GRM7: variants seen among roughly 807,000 people sequenced by gnomAD.
GRM7 encodes glutamate metabotropic receptor 7.
GRM7 carries 35 observed loss-of-function variants against 84.5 expected under a neutral mutation model. That is an observed-to-expected ratio of 0.41 (90% CI 0.32 to 0.55). The LOEUF (loss-of-function observed/expected upper bound fraction) is 0.55. GRM7 is among the 20% of genes least tolerant of loss of function. The pLI is 0.19. For missense variants in GRM7, 1,003 were observed against 1,194.6 expected, an observed-to-expected ratio of 0.84 and a Z score of 2.36; for synonymous variants, 487 against 455.1, an observed-to-expected ratio of 1.07 and a Z score of -0.89.
At chr3:6,988,077 A>G (rs1361110160) in intron 1 of GRM7, among the ~76,000 whole-genome samples, 1 of 148,886 alleles carries the variant, frequency 6.7e-6, no homozygotes, top group Non-Finnish European at 1.5e-5. Flanking sequence ...GCTCACTGCA[A>G]GCTCCGCCTC....
chr3:7,474,216 TC>T (rs1698826656), intron 7 of GRM7, among the ~76,000 whole-genome samples: 1 of 152,156 alleles, frequency 6.6e-6, no homozygotes, highest in South Asian at 2.1e-4. Context: ...GCAAGACAAT[TC>T]CATAATTGGT....
chr3:7,039,381 G>A (rs937948639), intron 1 of GRM7, among the ~76,000 whole-genome samples: 2 of 152,190 alleles, frequency 1.3e-5, no homozygotes, highest in African/African-American at 4.8e-5. Context: ...TTTGTGACAG[G>A]TATCACGGAT....
chr3:6,870,428 G>A (rs1215705647), intron 1 of GRM7, among the ~76,000 whole-genome samples: 1 of 152,214 alleles, frequency 6.6e-6, no homozygotes, highest in Non-Finnish European at 1.5e-5. Flanking sequence ...TTGTGGCTGA[G>A]TAGAGTCAAT....
chr3:6,920,281 A>G (rs925320673), intron 1 of GRM7, among the ~76,000 whole-genome samples: 1 of 152,180 alleles, frequency 6.6e-6, no homozygotes, highest in African/African-American at 2.4e-5. Flanking sequence ...TGGGCCAGGC[A>G]CAGTGGCTCA....
At chr3:7,165,815 C>T (rs181198343) in intron 2 of GRM7, among the ~76,000 whole-genome samples, 69 of 152,284 alleles carry the variant, frequency 4.5e-4, no homozygotes, top group Admixed American at 1.4e-3. Flanking sequence ...TGGGTTTCAT[C>T]ATTTGCATTC....
intron 4 of GRM7, among the ~76,000 whole-genome samples, chr3:7,320,680 CAGTGTGTGTGTG>C (rs1700742650): frequency 3.1e-5 from 2 of 64,124 alleles, no homozygotes; most frequent in South Asian, 8.9e-4. Flanking sequence ...AGTGGGTGAT[CAGTGTGTGTGTG>C]TGTGTGTGTG....
At chr3:7,654,378 C>A (rs561516178) in intron 8 of GRM7, among the ~76,000 whole-genome samples, 1 of 152,228 alleles carries the variant, frequency 6.6e-6, no homozygotes, top group Non-Finnish European at 1.5e-5. Context: ...AGCCCCTGTG[C>A]TATCTCTATA....
chr3:7,268,316 T>C (rs565014983), intron 2 of GRM7, among the ~76,000 whole-genome samples: 3 of 142,150 alleles, frequency 2.1e-5, no homozygotes, highest in South Asian at 4.5e-4. Flanking sequence ...AATAGACGAG[T>C]GTGTTGATGT....
chr3:7,304,336 G>A (rs1397308578), intron 3 of GRM7, among the ~76,000 whole-genome samples: 2 of 135,712 alleles, frequency 1.5e-5, no homozygotes, highest in Admixed American at 7.4e-5. Flanking sequence ...CTCTTGAGAG[G>A]TTAATAATAT....
intron 2 of GRM7, among the ~76,000 whole-genome samples, chr3:7,162,785 A>G (rs1349801014): frequency 4.6e-4 from 27 of 58,120 alleles, no homozygotes; most frequent in African/African-American, 1.4e-3. Flanking sequence ...TTTGAGATGG[A>G]GTCTCATTCT....
intron 7 of GRM7, among the ~76,000 whole-genome samples, chr3:7,506,179 C>A (rs1700034350): frequency 6.6e-6 from 1 of 152,160 alleles, no homozygotes; most frequent in South Asian, 2.1e-4. Context: ...AGGCACAGTT[C>A]ATTGTTACCT....
chr3:7,496,786 TATATAG>T (rs1485245437), intron 7 of GRM7, among the ~76,000 whole-genome samples: 8 of 151,710 alleles, frequency 5.3e-5, no homozygotes, highest in Non-Finnish European at 7.4e-5. Context: ...GATATAAAAA[TATATAG>T]ATATAGATGT....
At chr3:7,084,980 T>G (rs1379951307) in intron 1 of GRM7, among the ~76,000 whole-genome samples, 2 of 152,192 alleles carry the variant, frequency 1.3e-5, no homozygotes, top group Admixed American at 6.5e-5. Context: ...AAATTAAAAA[T>G]CATTCCATTA....
intron 1 of GRM7, among the ~76,000 whole-genome samples, chr3:7,006,586 T>C (rs1395371279): frequency 6.6e-6 from 1 of 152,200 alleles, no homozygotes; most frequent in Non-Finnish European, 1.5e-5. Context: ...AACAAATCCT[T>C]TTTCTCCTTT....
intron 4 of GRM7, among the ~76,000 whole-genome samples, chr3:7,370,981 G>T (rs1694107254): frequency 6.6e-6 from 1 of 152,118 alleles, no homozygotes; most frequent in Non-Finnish European, 1.5e-5. Flanking sequence ...AGCCTGATTT[G>T]TTGGTTATCT....
intron 4 of GRM7, among the ~76,000 whole-genome samples, chr3:7,376,028 A>G (rs112019977): frequency 1.9e-3 from 294 of 152,282 alleles, no homozygotes; most frequent in Non-Finnish European, 2.8e-3. Context: ...TATTGAGTAG[A>G]TGATATTGTC....
intron 2 of GRM7, among the ~76,000 whole-genome samples, chr3:7,291,219 C>CA (rs1699609094): frequency 6.6e-6 from 1 of 151,888 alleles, no homozygotes; most frequent in South Asian, 2.1e-4. Flanking sequence ...TCATTTAGGA[C>CA]AATGTACAGT....
chr3:7,211,309 A>C (rs1696418955), intron 2 of GRM7, among the ~76,000 whole-genome samples: 1 of 152,180 alleles, frequency 6.6e-6, no homozygotes, highest in Non-Finnish European at 1.5e-5. Flanking sequence ...AATTTGTAGA[A>C]ACTCCTCTTG....
At chr3:7,531,388 T>C (rs915155272) in intron 7 of GRM7, among the ~76,000 whole-genome samples, 6 of 152,070 alleles carry the variant, frequency 3.9e-5, no homozygotes, top group Non-Finnish European at 7.4e-5. Context: ...ATTGAATCTA[T>C]AGATTAGTTT....
Sources: gnomAD v4.1 joint callset for allele counts (sites outside exome capture counted in the v4.1 genomes callset) on GRCh38, gnomAD v4.1.1 for gene constraint, MANE v1.5 for transcripts, NCBI Gene and HGNC (gene_info 2026-07-23, HGNC 2026-07-21) for gene names.